Variants in ABI1 observed in about 807,000 individuals in gnomAD.
ABI1 encodes the protein Abelson interactor 1.
Under a neutral mutation model 54.6 loss-of-function variants are expected in ABI1, and 14 were observed. That is an observed-to-expected ratio of 0.26 (90% confidence interval 0.17 to 0.40). The LOEUF is 0.40. Ranked by LOEUF, ABI1 falls within the 10% of genes least tolerant of loss-of-function variation. The pLI is 1.00. For synonymous variants in ABI1, 194 were observed against 209.3 expected (o/e 0.93, Z 0.63); for missense variants, 443 against 598.3 (o/e 0.74, Z 2.71).
rs978078704 is a variant in ABI1 at position 26,860,263 on chromosome 10, T to C, written c.117+484A>G. Among the ~76,000 whole-genome samples, 2 of 152,000 alleles carry C rather than the reference T, an allele frequency of 1.3e-5. No individual in the cohort carries two copies. Among genetic ancestry groups the C allele is most frequent in the Non-Finnish European group, 2.9e-5 (2 of 67,978 alleles). ...CGCCGACACACAACACACACCCCGC[T>C]GGTCCTCTCCCTTCTGCGGCTTCAG... is the stretch of plus-strand genomic sequence containing the variant. On this transcript the variant is annotated intron_variant, in intron 1 of 10. Coordinates refer to ENST00000376140, the MANE Select transcript of ABI1 (RefSeq NM_001012750.3). The surrounding 1 kb of genome is among the most constrained non-coding windows in gnomAD (Gnocchi z 4.1).
chr10:26,818,631 CAAAA>C (rs376157276), intron 2 of ABI1, among the ~76,000 whole-genome samples: 2 of 73,082 alleles, frequency 2.7e-5, no homozygotes, highest in Non-Finnish European at 2.6e-5. Context: ...GACCCCGTCA[CAAAA>C]AAAAAAAAAA....
At chr10:26,790,057 C>T (rs182170376) in intron 2 of ABI1, among the ~76,000 whole-genome samples, 7 of 152,234 alleles carry the variant, frequency 4.6e-5, no homozygotes, top group South Asian at 2.1e-4. Context: ...AGATTGATTC[C>T]GTCTTTGCTA....
chr10:26,791,747 TAAG>T (rs1387200527), intron 2 of ABI1, among the ~76,000 whole-genome samples: 3 of 152,102 alleles, frequency 2.0e-5, no homozygotes, highest in Non-Finnish European at 4.4e-5. Context: ...GATAGCACAG[TAAG>T]AAGAATGTTT....
At chr10:26,848,389 A>C (rs888414025) in intron 1 of ABI1, among the ~76,000 whole-genome samples, 49 of 133,156 alleles carry the variant, frequency 3.7e-4, no homozygotes, top group African/African-American at 1.5e-3. Flanking sequence ...TACTTCCTAA[A>C]AATCATTTAA....
chr10:26,824,863 G>C (rs1464491754), intron 1 of ABI1, among the ~76,000 whole-genome samples: 5 of 152,194 alleles, frequency 3.3e-5, no homozygotes, highest in Admixed American at 1.3e-4. Flanking sequence ...TTTGGCTAGA[G>C]ACAGTGTATA....
chr10:26,765,657 G>GGAGA (rs1452094305), intron 6 of ABI1, among the ~76,000 whole-genome samples: 1 of 149,640 alleles, frequency 6.7e-6, no homozygotes, highest in Non-Finnish European at 1.5e-5. Flanking sequence ...GGAAGGGAAA[G>GGAGA]GAGAGAGGGA....
Position 26,785,755 on chromosome 10 carries a change from G to C in ABI1, c.286-8514C>G, listed in dbSNP as rs540655149. On this transcript the variant is annotated intron_variant, in intron 2 of 10. Coordinates refer to ENST00000376140, the MANE Select transcript of ABI1 (RefSeq NM_001012750.3). ...AAAAAAAAAAAGTCATCTCCCTCCA[G>C]GGTGAAGTTCAGGTAGGCTTACAAG... Among the ~76,000 whole-genome samples, 110 of 151,732 alleles carry C rather than the reference G, an allele frequency of 7.2e-4. 1 individual carries two copies. Among genetic ancestry groups the C allele is most frequent in the African/African-American group, 2.5e-3 (103 of 41,370 alleles).
chr10:26,754,942 T>C (rs1410056557), intron 9 of ABI1, among the ~76,000 whole-genome samples: 1 of 143,360 alleles, frequency 7.0e-6, no homozygotes, highest in African/African-American at 2.7e-5. Context: ...AAATAACTTC[T>C]CCCCCCCCAC....
intron 8 of ABI1, among the ~76,000 whole-genome samples, chr10:26,755,977 A>G (rs1272610087): frequency 6.6e-6 from 1 of 152,254 alleles, no homozygotes; most frequent in Non-Finnish European, 1.5e-5. Context: ...ATTTTATAAA[A>G]GAACAAATAT....
intron 2 of ABI1, among the ~76,000 whole-genome samples, chr10:26,798,314 G>C (rs939208502): frequency 2.5e-4 from 38 of 151,872 alleles, no homozygotes; most frequent in Admixed American, 2.3e-3. Flanking sequence ...GTATTGGGGG[G>C]GGTGAATCAA....
intron 2 of ABI1, among the ~76,000 whole-genome samples, chr10:26,778,487 A>G (rs1222121193): frequency 6.6e-6 from 1 of 150,644 alleles, no homozygotes; most frequent in Non-Finnish European, 1.5e-5. Context: ...TATGAACTGA[A>G]GTAGGAAAAA....
chr10:26,829,180 C>T (rs575930633), intron 1 of ABI1, among the ~76,000 whole-genome samples: 4 of 150,948 alleles, frequency 2.6e-5, no homozygotes, highest in African/African-American at 9.8e-5. Flanking sequence ...GAGCCCAGAT[C>T]GCGCCACTGC....
At chr10:26,828,161 G>A (rs1344880003) in intron 1 of ABI1, among the ~76,000 whole-genome samples, 1 of 152,156 alleles carries the variant, frequency 6.6e-6, no homozygotes, top group African/African-American at 2.4e-5. Flanking sequence ...TTGCATCTCA[G>A]GCAATAGGGA....
At chr10:26,770,145 G>A (rs1027165445) in intron 5 of ABI1, 100 bp downstream of exon 5, 2 of 878,298 alleles carry the variant, frequency 2.3e-6, no homozygotes, top group South Asian at 2.9e-5. Flanking sequence ...GTCACATAGA[G>A]AGGGTAGTGT....
chr10:26,775,032 T>TA (rs1841208659), intron 3 of ABI1, among the ~76,000 whole-genome samples: 1 of 152,128 alleles, frequency 6.6e-6, no homozygotes, highest in Admixed American at 6.5e-5. Context: ...TCGAAAGCTG[T>TA]AAGCAATGTC....
chr10:26,755,639 G>A lies in ABI1; in HGVS notation c.1084+16C>T. The A allele has an allele frequency of 6.2e-7, 1 of 1,600,534 alleles. No individual in the cohort carries two copies. The highest frequency in any genetic ancestry group is 8.6e-7 in the Non-Finnish European group (1 of 1,167,970). ...ACAGCCTCTACTCTTCCATAGCTCA[G>A]TTTTTCCAAACTTACTGTTTTCCTG... On this transcript the variant is annotated intron_variant, in intron 9 of 10. Coordinates refer to ENST00000376140, the MANE Select transcript of ABI1 (RefSeq NM_001012750.3).
intron 1 of ABI1, 143 bp from the exon 2 acceptor site, chr10:26,823,448 T>G (rs2048115041): frequency 1.5e-6 from 1 of 687,454 alleles, no homozygotes; most frequent in African/African-American, 1.9e-5. Flanking sequence ...AGTCTCAGGA[T>G]ACTACTGAAT....
rs1554837267 is a variant in ABI1, at chr10:26,857,862, A to AG, written c.117+2884_117+2885insC. 1.9e-3 allele frequency among the ~76,000 whole-genome samples: 284 copies of AG among 148,302 alleles called. 2 individuals are homozygous for AG. The highest frequency in any genetic ancestry group is 3.9e-3 in the African/African-American group (158 of 40,074). On this transcript the variant is annotated intron_variant, in intron 1 of 10. Coordinates refer to ENST00000376140, the MANE Select transcript of ABI1 (RefSeq NM_001012750.3). ...CAAGTCTGTCTCAAAAAAAAAAAAA[A>AG]AAAGAAAGAAAAAAACTGTCCTTTT... is the stretch of plus-strand genomic sequence containing the variant.
chr10:26,777,282 C>A, intron 2 of ABI1, 41 bp from the exon 3 acceptor site: 2 of 1,497,432 alleles, frequency 1.3e-6, no homozygotes, highest in Non-Finnish European at 1.8e-6. Flanking sequence ...TATTATTTGA[C>A]ATAATATGTT....
Sources: allele counts gnomAD v4.1 joint callset (sites outside exome capture counted in the v4.1 genomes callset), GRCh38; gene constraint gnomAD v4.1.1; non-coding constraint Gnocchi (gnomAD v3.1); transcripts MANE v1.5; gene names NCBI Gene and HGNC (gene_info 2026-07-23, HGNC 2026-07-21).